The following STXBP6 variants were observed in gnomAD, a reference collection of about 807,000 sequenced individuals.
STXBP6 encodes the protein syntaxin-binding protein 6.
STXBP6 carries 21 observed loss-of-function variants against 26.9 expected under a neutral mutation model. That is an observed-to-expected ratio of 0.78 (90% CI 0.55 to 1.12). The LOEUF is 1.12. Among genes scored for constraint, STXBP6 ranks in the 50% most tolerant of loss-of-function variants. The pLI is 0.00. For synonymous variants in STXBP6, 97 were observed against 92.6 expected (o/e 1.05, Z -0.27); for missense variants, 232 against 257.9 (o/e 0.90, Z 0.69).
At chr14:24,909,131 T>C (rs2071481943) in intron 2 of STXBP6, among the ~76,000 whole-genome samples, 1 of 151,470 alleles carries the variant, frequency 6.6e-6, no homozygotes, top group South Asian at 2.1e-4. Context: ...TGCATTTGAC[T>C]TTACCTTCAG....
At chr14:24,947,460 C>G (rs1220087193) in intron 2 of STXBP6, among the ~76,000 whole-genome samples, 1 of 152,216 alleles carries the variant, frequency 6.6e-6, no homozygotes, top group Non-Finnish European at 1.5e-5. Context: ...ATTACACATT[C>G]TTAAGAATGA....
intron 1 of STXBP6, among the ~76,000 whole-genome samples, chr14:24,999,739 A>C (rs1036351972): frequency 5.3e-5 from 8 of 152,156 alleles, no homozygotes; most frequent in Non-Finnish European, 1.0e-4. Context: ...AAAGAGTTGC[A>C]ATATATAGAC....
At position 24,974,796 on chromosome 14, in the gene STXBP6, C is replaced by A; in HGVS notation, c.23G>T (p.Ser8Ile). ...ATCAAGAGGTGCAAAAATTTCCTTGCTGATAGCAGATTTGGCACTCATTGT... is the reference window on the plus strand; with the variant it reads ...ATCAAGAGGTGCAAAAATTTCCTTGATGATAGCAGATTTGGCACTCATTGT... Reference protein sequence around the residue: MSAKSAISKEIFAPLDER... With the variant: MSAKSAIIKEIFAPLDER... The change falls in exon 2 of 6, where the codon AGC (serine) becomes ATC (isoleucine). Residue 8 changes from serine to isoleucine, a missense_variant. By Grantham distance (142) the Ser-to-Ile change is moderately radical. Coordinates refer to ENST00000323944, the MANE Select transcript of STXBP6 (RefSeq NM_001394410.1). 3 of 1,609,024 alleles carry A rather than the reference C, an allele frequency of 1.9e-6. No individual in the cohort carries two copies. Among genetic ancestry groups the A allele is most frequent in the Non-Finnish European group, 2.5e-6 (3 of 1,177,266 alleles).
intron 2 of STXBP6, among the ~76,000 whole-genome samples, chr14:24,914,652 T>TA (rs1383085101): frequency 2.0e-5 from 3 of 152,202 alleles, no homozygotes; most frequent in Non-Finnish European, 4.4e-5. Flanking sequence ...GGCTCCCTGT[T>TA]ACAGCTGTCT....
At chr14:24,933,964 A>G (rs2072510939) in intron 2 of STXBP6, among the ~76,000 whole-genome samples, 1 of 152,200 alleles carries the variant, frequency 6.6e-6, no homozygotes, top group Non-Finnish European at 1.5e-5. Context: ...ATTAGTAACT[A>G]TCCAATTCCT....
intron 2 of STXBP6, among the ~76,000 whole-genome samples, chr14:24,884,845 GCTC>G: frequency 6.6e-6 from 1 of 152,210 alleles, no homozygotes; most frequent in East Asian, 1.9e-4. Flanking sequence ...GAATTATAAA[GCTC>G]CTCACTATGT....
intron 2 of STXBP6, among the ~76,000 whole-genome samples, chr14:24,912,748 A>T (rs993063553): frequency 1.3e-5 from 2 of 152,190 alleles, no homozygotes; most frequent in Non-Finnish European, 2.9e-5. Flanking sequence ...AAAAATTGCT[A>T]TAAGGTACTT....
At chr14:24,971,602 G>A (rs1396180349) in intron 2 of STXBP6, among the ~76,000 whole-genome samples, 1 of 152,048 alleles carries the variant, frequency 6.6e-6, no homozygotes, top group East Asian at 1.9e-4. Flanking sequence ...CTGAATAGGA[G>A]AATAGGAGAA....
At chr14:25,003,492 T>C (rs1343768124) in intron 1 of STXBP6, among the ~76,000 whole-genome samples, 1 of 152,216 alleles carries the variant, frequency 6.6e-6, no homozygotes, top group Non-Finnish European at 1.5e-5. Flanking sequence ...GAGAATTCTC[T>C]GGAACCTTCA....
chr14:24,991,855 A>T (rs2140289754), intron 1 of STXBP6, among the ~76,000 whole-genome samples: 1 of 152,310 alleles, frequency 6.6e-6, no homozygotes, highest in Middle Eastern at 3.4e-3. Context: ...AGAGCGGTAG[A>T]CGGCCCACCA....
intron 4 of STXBP6, among the ~76,000 whole-genome samples, chr14:24,824,173 C>T (rs147541603): frequency 8.5e-5 from 13 of 152,222 alleles, no homozygotes; most frequent in African/African-American, 2.9e-4. Context: ...GTTTCTGCCA[C>T]TAGAACATAT....
In STXBP6 at chr14:24,810,760, T is replaced by A. The variant is rs928501585; in HGVS notation, c.*1949A>T. On this transcript the variant is annotated 3_prime_UTR_variant, in exon 6 of 6. Transcript: ENST00000323944. ...GAGAGTTGGCAACCACTTCTGTTCT[T>A]GAATTTGGCGGACTGTCAGGGGGTT... 1 of 152,178 alleles carries A rather than the reference T, an allele frequency of 6.6e-6. No individual in the cohort carries two copies. Among genetic ancestry groups the A allele is most frequent in the Non-Finnish European group, 1.5e-5 (1 of 68,034 alleles). The allele number at this position is 152,178 out of a possible 1,614,324, so 9.4% of individuals were successfully genotyped here. A position where few individuals can be genotyped will look rare whatever the true frequency, so the allele number is the denominator to read the frequency against.
At chr14:24,975,794 T>C (rs989043249) in intron 1 of STXBP6, among the ~76,000 whole-genome samples, 2 of 152,218 alleles carry the variant, frequency 1.3e-5, no homozygotes, top group African/African-American at 4.8e-5. Flanking sequence ...ATGTTCAAGT[T>C]CAATCTGAAA....
At chr14:24,962,131 C>T (rs961006408) in intron 2 of STXBP6, among the ~76,000 whole-genome samples, 1 of 152,046 alleles carries the variant, frequency 6.6e-6, no homozygotes, top group Non-Finnish European at 1.5e-5. Flanking sequence ...ATGCACAGTA[C>T]CCTTATATAC....
chr14:24,919,441 A>T (rs969696977), intron 2 of STXBP6, among the ~76,000 whole-genome samples: 7 of 116,056 alleles, frequency 6.0e-5, no homozygotes, highest in African/African-American at 1.4e-4. Context: ...TGCGAAAAAT[A>T]AAAAAAAAAC....
intron 4 of STXBP6, among the ~76,000 whole-genome samples, chr14:24,847,269 G>A (rs2068994574): frequency 6.6e-6 from 1 of 152,132 alleles, no homozygotes; most frequent in Non-Finnish European, 1.5e-5. Flanking sequence ...CTATGTTACA[G>A]CAGAACAACA....
intron 2 of STXBP6, among the ~76,000 whole-genome samples, chr14:24,961,085 C>T (rs944310124): frequency 6.6e-6 from 1 of 152,156 alleles, no homozygotes; most frequent in Non-Finnish European, 1.5e-5. Context: ...ATCTAAAGTT[C>T]TAAAGAAAAT....
rs552562019 is a variant in STXBP6 at position 24,945,139 on chromosome 14, A to ATTTTTTTTTTTTTTTTTTTTTT, written c.154+29504_154+29525dup. Among the ~76,000 whole-genome samples the ATTTTTTTTTTTTTTTTTTTTTT allele has an allele frequency of 4.2e-4, 42 of 100,706 alleles. 6 individuals are homozygous for ATTTTTTTTTTTTTTTTTTTTTT. Among genetic ancestry groups the ATTTTTTTTTTTTTTTTTTTTTT allele is most frequent in the African/African-American group, 1.4e-3 (39 of 27,532 alleles). 66.1% of individuals were successfully genotyped at this position (100,706 alleles called of 152,430 possible). A position where few individuals can be genotyped will look rare whatever the true frequency, so the allele number is the denominator to read the frequency against. On this transcript the variant is annotated intron_variant, in intron 2 of 5. Transcript: ENST00000323944. ...TGGCATGTATATGAACCAATTAGGA[A>ATTTTTTTTTTTTTTTTTTTTTT]TTTTTTTTTTTTTTTTTTTTTTTTT...
At chr14:24,971,205 A>T (rs1033868607) in intron 2 of STXBP6, among the ~76,000 whole-genome samples, 1 of 152,214 alleles carries the variant, frequency 6.6e-6, no homozygotes, top group Non-Finnish European at 1.5e-5. Flanking sequence ...TCTAACTCTG[A>T]TCATAAAATG....
Sources: gnomAD v4.1 joint callset for allele counts (sites outside exome capture counted in the v4.1 genomes callset) on GRCh38, gnomAD v4.1.1 for gene constraint, MANE v1.5 for transcripts, NCBI Gene and HGNC (gene_info 2026-07-23, HGNC 2026-07-21) for gene names.